Variants in IRAK1BP1 observed in about 807,000 individuals in gnomAD.
IRAK1BP1 encodes interleukin-1 receptor-associated kinase 1-binding protein 1.
IRAK1BP1 carries 24 observed loss-of-function variants against 28.0 expected under a neutral mutation model. The ratio of observed to expected loss-of-function variants is 0.86; its 90% CI spans 0.62 to 1.20. The LOEUF (loss-of-function observed/expected upper bound fraction) is 1.20, where lower values mean the gene tolerates loss of function less well. IRAK1BP1 is among the 50% of genes most tolerant of loss of function. The pLI, the probability that IRAK1BP1 is intolerant of heterozygous loss-of-function variation, is 0.00. For synonymous variants in IRAK1BP1, 131 were observed against 116.3 expected (o/e 1.13, Z -0.81); for missense variants, 336 against 316.7 (o/e 1.06, Z -0.46).
At position 78,898,195 on chromosome 6, in the gene IRAK1BP1, T is replaced by A. The variant is rs765759154; in HGVS notation, c.644T>A (p.Ile215Lys). The A allele has an allele frequency of 6.2e-7, 1 of 1,613,666 alleles. No homozygotes were observed. Among genetic ancestry groups the A allele is most frequent in the East Asian group, 2.2e-5 (1 of 44,842 alleles). ...GAAACAAAAGAATGGGAAGGCCAAA[T>A]AGATGATCACCAGTCATCCAGACTC... The part of the protein sequence containing the change: ...EEETKEWEGQ[I>K]DDHQSSRLSS... Residue 215 changes from isoleucine to lysine, a missense_variant, in exon 4 of 4, where the codon ATA (isoleucine) becomes AAA (lysine). Ile to Lys is a moderately radical substitution (Grantham distance 102). Coordinates refer to ENST00000369940, the MANE Select transcript of IRAK1BP1 (RefSeq NM_001010844.4).
chr6:78,884,260 A>G (rs573153566), intron 1 of IRAK1BP1, among the ~76,000 whole-genome samples: 35 of 152,278 alleles, frequency 2.3e-4, no homozygotes, highest in Non-Finnish European at 4.1e-4. Flanking sequence ...AGATGCAACC[A>G]TGTCTTCTTC....
the IRAK1BP1 span, chr6:78,956,195 TC>T: frequency 6.6e-6 from 1 of 152,128 alleles, no homozygotes; most frequent in Non-Finnish European, 1.5e-5. Flanking sequence ...TCCCCAGATA[TC>T]CTTGTTCCTT....
intron 1 of IRAK1BP1, among the ~76,000 whole-genome samples, chr6:78,876,645 G>A (rs921004718): frequency 1.3e-5 from 2 of 152,108 alleles, no homozygotes; most frequent in Non-Finnish European, 2.9e-5. Context: ...CAGCATTCCT[G>A]GCCCCTACCC....
the IRAK1BP1 span, among the ~76,000 whole-genome samples, chr6:78,963,586 T>C: frequency 6.6e-6 from 1 of 152,200 alleles, no homozygotes; most frequent in East Asian, 1.9e-4. Context: ...CATGTTTACT[T>C]TGATAAAGTA....
At chr6:78,970,603 A>G in the IRAK1BP1 span, among the ~76,000 whole-genome samples, 1 of 152,098 alleles carries the variant, frequency 6.6e-6, no homozygotes, top group Non-Finnish European at 1.5e-5. Flanking sequence ...AATTCAGTCA[A>G]ATCTTGTGTT....
intron 1 of IRAK1BP1, among the ~76,000 whole-genome samples, chr6:78,884,616 A>G (rs1771348262): frequency 6.6e-6 from 1 of 152,094 alleles, no homozygotes; most frequent in African/African-American, 2.4e-5. Flanking sequence ...TTGATATACA[A>G]CTTCTCATTA....
chr6:78,875,622 A>G (rs1187855361), intron 1 of IRAK1BP1, among the ~76,000 whole-genome samples: 1 of 152,246 alleles, frequency 6.6e-6, no homozygotes, highest in East Asian at 1.9e-4. Context: ...ACCCCAGTGC[A>G]GAAACAGAAA....
chr6:78,963,064 G>GT, the IRAK1BP1 span: 1 of 1,536,152 alleles, frequency 6.5e-7, no homozygotes, highest in Non-Finnish European at 8.7e-7. Context: ...TGTTCTGCCA[G>GT]TTTTTTCTAT....
At chr6:78,916,806 T>C (rs568625023) in intron 4 of IRAK1BP1, among the ~76,000 whole-genome samples, 1 of 151,910 alleles carries the variant, frequency 6.6e-6, no homozygotes, top group South Asian at 2.1e-4. Flanking sequence ...TAGCCGGACA[T>C]GGTGGCACAC....
At chr6:78,950,764 C>T (rs1485099451), downstream of IRAK1BP1, among the ~76,000 whole-genome samples, 1 of 152,040 alleles carries the variant, frequency 6.6e-6, no homozygotes, top group Non-Finnish European at 1.5e-5. Context: ...AGAGGCTTGT[C>T]AATTCTGTTG....
chr6:78,935,541 G>T (rs1476773216), intron 4 of IRAK1BP1: 1 of 966,916 alleles, frequency 1.0e-6, no homozygotes, highest in Non-Finnish European at 1.2e-6. Context: ...GAATAGTGAA[G>T]TATTTATCAC....
the IRAK1BP1 span, chr6:78,970,865 A>G: frequency 6.2e-7 from 1 of 1,608,338 alleles, no homozygotes; most frequent in Non-Finnish European, 8.5e-7. Context: ...CATAGGCTTC[A>G]TGTCCTTGTC....
chr6:78,918,861 G>A (rs1018795070), intron 4 of IRAK1BP1, among the ~76,000 whole-genome samples: 1 of 152,126 alleles, frequency 6.6e-6, no homozygotes, highest in Non-Finnish European at 1.5e-5. Flanking sequence ...GGATGTAATA[G>A]GCACTACAGA....
At chr6:78,969,996 G>C in the IRAK1BP1 span, 1 of 1,600,304 alleles carries the variant, frequency 6.2e-7, no homozygotes, top group Non-Finnish European at 8.5e-7. Context: ...TCTGAATCTT[G>C]AAAAACAATC....
At chr6:78,897,729 T>C in intron 2 of IRAK1BP1, 100 bp from the exon 3 acceptor site, 1 of 905,760 alleles carries the variant, frequency 1.1e-6, no homozygotes, top group Non-Finnish European at 1.6e-6. Context: ...TACTATAAAA[T>C]GACCTCATAG....
chr6:78,977,772 CTCT>C, the IRAK1BP1 span, among the ~76,000 whole-genome samples: 11 of 152,274 alleles, frequency 7.2e-5, no homozygotes, highest in African/African-American at 1.7e-4. Context: ...ATGTTCTGTG[CTCT>C]TCAAGTCGTA....
At chr6:78,926,191 A>C (rs1448121032) in intron 4 of IRAK1BP1, among the ~76,000 whole-genome samples, 1 of 152,154 alleles carries the variant, frequency 6.6e-6, no homozygotes, top group Non-Finnish European at 1.5e-5. Context: ...GTGAGGCTGC[A>C]AAGAAAAGGG....
chr6:78,923,374 CT>C (rs1364486793), intron 4 of IRAK1BP1, among the ~76,000 whole-genome samples: 3 of 152,128 alleles, frequency 2.0e-5, no homozygotes, highest in Non-Finnish European at 4.4e-5. Flanking sequence ...GCTAACTCAC[CT>C]AAATATATAT....
downstream of IRAK1BP1, chr6:78,946,786 T>A: frequency 6.3e-7 from 1 of 1,594,296 alleles, no homozygotes; most frequent in Non-Finnish European, 8.5e-7. Context: ...ATTTCTTTTA[T>A]GAAAACGAAG....
Sources: allele counts gnomAD v4.1 joint callset (sites outside exome capture counted in the v4.1 genomes callset), GRCh38; gene constraint gnomAD v4.1.1; transcripts MANE v1.5; gene names NCBI Gene and HGNC (gene_info 2026-07-23, HGNC 2026-07-21).